ADAMTS9: variants seen among roughly 807,000 people sequenced by gnomAD.
ADAMTS9 encodes the protein ADAM metallopeptidase with thrombospondin type 1 motif 9.
In ADAMTS9, 107 loss-of-function variants were observed where a neutral mutation model predicts 257.1. That is an observed-to-expected ratio of 0.42 (90% CI 0.36 to 0.49). ADAMTS9 has a LOEUF of 0.49. Among genes scored for constraint, ADAMTS9 ranks in the 20% least tolerant of loss-of-function variants. The pLI is 0.03. For missense variants in ADAMTS9, 2,353 were observed against 2,469.1 expected (o/e 0.95, Z 1.00); for synonymous variants, 982 against 880.9 (o/e 1.11, Z -2.03).
chr3:64,683,337 G>T (rs1015676254), intron 2 of ADAMTS9, among the ~76,000 whole-genome samples: 1 of 152,198 alleles, frequency 6.6e-6, no homozygotes. Flanking sequence ...ACAGCATTGA[G>T]TCTAACCTGA....
At chr3:64,600,218 G>A (rs1237127310) in intron 26 of ADAMTS9, among the ~76,000 whole-genome samples, 1 of 152,094 alleles carries the variant, frequency 6.6e-6, no homozygotes, top group Non-Finnish European at 1.5e-5. Context: ...GCCATGGAAG[G>A]CAGGAAGACC....
intron 16 of ADAMTS9, among the ~76,000 whole-genome samples, chr3:64,629,703 AAAGT>A (rs1331383774): frequency 6.6e-6 from 1 of 152,238 alleles, no homozygotes; most frequent in Non-Finnish European, 1.5e-5. Context: ...GTCCCACTAA[AAAGT>A]AACGTCCAAG....
At chr3:64,662,444 A>G (rs776311248) in intron 3 of ADAMTS9, among the ~76,000 whole-genome samples, 5 of 152,024 alleles carry the variant, frequency 3.3e-5, no homozygotes, top group African/African-American at 9.7e-5. Context: ...CAACTTTTCT[A>G]CTTCCTTGTC....
chr3:64,654,429 G>C lies in ADAMTS9; in HGVS notation c.1240C>G (p.Pro414Ala). The change falls in exon 8 of 40, where the codon CCC becomes GCC. Residue 414 changes from proline to alanine, a missense_variant. Transcript: ENST00000498707. ...GLAELGTICDPYRSCSISEDS... is the reference protein window; with the variant it reads ...GLAELGTICDAYRSCSISEDS... ...TCACTAATAGAACAGCTTCTATAGG[G>C]ATCACAAATGGTTCCCAGTTCAGCC... 1 of 1,614,072 alleles carries C rather than the reference G, an allele frequency of 6.2e-7. No homozygotes were observed. The highest frequency in any genetic ancestry group is 8.5e-7 in the Non-Finnish European group (1 of 1,180,008).
intron 28 of ADAMTS9, among the ~76,000 whole-genome samples, chr3:64,592,971 G>A (rs2084290497): frequency 6.6e-6 from 1 of 152,140 alleles, no homozygotes; most frequent in African/African-American, 2.4e-5. Context: ...AGATGTTCCT[G>A]AGATTCTAAG....
chr3:64,597,713 GCATTT>G (rs1389640818), intron 26 of ADAMTS9, among the ~76,000 whole-genome samples: 14 of 152,096 alleles, frequency 9.2e-5, no homozygotes, highest in Admixed American at 2.6e-4. Flanking sequence ...GGTTATGTTT[GCATTT>G]CATTTCATTT....
chr3:64,641,823 AACAGTTAT>A lies in ADAMTS9; in HGVS notation c.1856+17_1856+24del, dbSNP rs750726428. 1 of 1,611,328 alleles carries A rather than the reference AACAGTTAT, an allele frequency of 6.2e-7. No homozygotes were observed. The highest frequency in any genetic ancestry group is 1.7e-5 in the Admixed American group (1 of 59,836). On this transcript the variant is annotated intron_variant, in intron 12 of 39. Transcript: ENST00000498707. ...TTCATGTTCCTGCCACGGCAGTAAT[AACAGTTAT>A]ACATTCTAGGACTTACTCTGGTCTG...
intron 38 of ADAMTS9, among the ~76,000 whole-genome samples, chr3:64,528,575 A>G (rs2082939184): frequency 6.6e-6 from 1 of 152,124 alleles, no homozygotes; most frequent in Admixed American, 6.5e-5. Flanking sequence ...GTCAGGTGGC[A>G]GCCATGTGGA....
At chr3:64,647,176 G>A (rs1330880622) in intron 11 of ADAMTS9, among the ~76,000 whole-genome samples, 1 of 152,118 alleles carries the variant, frequency 6.6e-6, no homozygotes, top group African/African-American at 2.4e-5. Flanking sequence ...GTAAGTTACA[G>A]ATAGAATGCC....
rs181386036 is a variant in ADAMTS9 at position 64,556,135 on chromosome 3, A to G, written c.4699-5073T>C. On this transcript the variant is annotated intron_variant, in intron 30 of 39. Transcript: ENST00000498707. Reference sequence around the variant, plus strand: ...AAATCATTCTACAGCTGATCTTAATAAAAGCCCTCAGACTCCAAGTATGTA... The same window carrying G: ...AAATCATTCTACAGCTGATCTTAATGAAAGCCCTCAGACTCCAAGTATGTA... Among the ~76,000 whole-genome samples the G allele has an allele frequency of 2.0e-3, 312 of 152,260 alleles. 1 individual carries two copies. Among genetic ancestry groups the G allele is most frequent in the Middle Eastern group, 0.014 (4 of 294 alleles).
intron 3 of ADAMTS9, among the ~76,000 whole-genome samples, chr3:64,675,059 A>G (rs1238156755): frequency 2.0e-5 from 3 of 152,162 alleles, no homozygotes; most frequent in Non-Finnish European, 2.9e-5. Context: ...CAGCAAAAAT[A>G]ATTCATATAT....
intron 28 of ADAMTS9, among the ~76,000 whole-genome samples, chr3:64,590,794 C>T (rs1000595634): frequency 1.3e-5 from 2 of 152,134 alleles, no homozygotes; most frequent in African/African-American, 2.4e-5. Flanking sequence ...TAAAGCAAGG[C>T]TCAGAGAACA....
rs1056962604 is a variant in ADAMTS9 at position 64,687,486 on chromosome 3, G to C, written c.115+57C>G. Reference sequence around the variant, plus strand: ...CTGCGGGGTGCCCCTGCCCAGGAGCGAGGACCGGGAGGCGGCGTCGGGGCC... The same window carrying C: ...CTGCGGGGTGCCCCTGCCCAGGAGCCAGGACCGGGAGGCGGCGTCGGGGCC... On this transcript the variant is annotated intron_variant, in intron 1 of 39. Transcript: ENST00000498707. The surrounding 1 kb of genome is among the most constrained non-coding windows in gnomAD (Gnocchi z 4.4). The C allele has an allele frequency of 7.2e-7, 1 of 1,385,688 alleles. No individual in the cohort carries two copies. The highest frequency in any genetic ancestry group is 9.7e-7 in the Non-Finnish European group (1 of 1,028,034). 85.8% of individuals were successfully genotyped at this position (1,385,688 alleles called of 1,614,324 possible).
At chr3:64,566,510 C>T (rs891910761) in intron 29 of ADAMTS9, among the ~76,000 whole-genome samples, 13 of 152,078 alleles carry the variant, frequency 8.5e-5, no homozygotes, top group African/African-American at 3.1e-4. Flanking sequence ...AATCCTATTA[C>T]CTTATGTTGG....
chr3:64,598,599 G>T (rs999587830), intron 26 of ADAMTS9, among the ~76,000 whole-genome samples: 1 of 151,860 alleles, frequency 6.6e-6, no homozygotes. Context: ...GGATTACAGG[G>T]GTGAGCCACC....
chr3:64,653,865 A>G (rs550049756), intron 8 of ADAMTS9, among the ~76,000 whole-genome samples: 1 of 152,290 alleles, frequency 6.6e-6, no homozygotes, highest in African/African-American at 2.4e-5. Flanking sequence ...TTCCTGAAAA[A>G]AGGGATACTA....
intron 30 of ADAMTS9, among the ~76,000 whole-genome samples, chr3:64,555,905 C>T (rs541586420): frequency 5.3e-5 from 8 of 152,160 alleles, no homozygotes; most frequent in South Asian, 2.1e-4. Context: ...ATCCCTAATG[C>T]CTAATGCCTG....
At chr3:64,586,274 G>A (rs1266692805) in intron 28 of ADAMTS9, among the ~76,000 whole-genome samples, 1 of 151,812 alleles carries the variant, frequency 6.6e-6, no homozygotes, top group Non-Finnish European at 1.5e-5. Flanking sequence ...AAATGTAAGT[G>A]GTTGTTATAA....
chr3:64,679,826 G>A (rs146091027), intron 3 of ADAMTS9, among the ~76,000 whole-genome samples: 10 of 152,196 alleles, frequency 6.6e-5, no homozygotes, highest in Non-Finnish European at 1.2e-4. Flanking sequence ...GGTCAAAACT[G>A]TGATAAATGT....
Sources: gnomAD v4.1 joint callset for allele counts (sites outside exome capture counted in the v4.1 genomes callset) on GRCh38, gnomAD v4.1.1 for gene constraint, Gnocchi (gnomAD v3.1) non-coding constraint, MANE v1.5 for transcripts, NCBI Gene and HGNC (gene_info 2026-07-23, HGNC 2026-07-21) for gene names.